The following SWT1 variants were observed in gnomAD, a reference collection of about 807,000 sequenced individuals.
SWT1 encodes the protein SWT1 RNA endoribonuclease homolog, also known as transcriptional protein SWT1.
A neutral mutation model predicts 107.3 loss-of-function variants in SWT1; 33 were observed. The ratio of observed to expected loss-of-function variants is 0.31; its 90% CI spans 0.23 to 0.41. The LOEUF is 0.41. Ranked by LOEUF, SWT1 falls within the 10% of genes least tolerant of loss-of-function variation. The pLI, the probability that SWT1 is intolerant of heterozygous loss-of-function variation, is 1.00. For missense variants in SWT1, 898 were observed against 1,028.9 expected, an observed-to-expected ratio of 0.87 and a Z score of 1.74; for synonymous variants, 345 against 348.3, an observed-to-expected ratio of 0.99 and a Z score of 0.11.
At chr1:185,216,436 G>A (rs1659220449) in intron 14 of SWT1, among the ~76,000 whole-genome samples, 1 of 152,076 alleles carries the variant, frequency 6.6e-6, no homozygotes, top group Non-Finnish European at 1.5e-5. Flanking sequence ...GATGGAAAGT[G>A]CAAGATACTT....
At chr1:185,233,866 C>G (rs983001773) in intron 16 of SWT1, among the ~76,000 whole-genome samples, 16 of 152,140 alleles carry the variant, frequency 1.1e-4, no homozygotes, top group Admixed American at 3.9e-4. Context: ...GCCTCAGCCT[C>G]CCAAGTAGCT....
intron 17 of SWT1, 110 bp downstream of exon 17, chr1:185,271,499 T>A (rs986733481): frequency 1.6e-6 from 1 of 617,462 alleles, no homozygotes; most frequent in Non-Finnish European, 2.9e-6. Context: ...TTAATTGATA[T>A]TTGCTTTAAA....
intron 16 of SWT1, among the ~76,000 whole-genome samples, chr1:185,260,453 G>A (rs990494541): frequency 6.6e-6 from 1 of 152,102 alleles, no homozygotes; most frequent in African/African-American, 2.4e-5. Flanking sequence ...CAAATGTCAA[G>A]GAAGGAATAA....
chr1:185,256,488 T>A (rs1177554157), intron 16 of SWT1, among the ~76,000 whole-genome samples: 1 of 151,490 alleles, frequency 6.6e-6, no homozygotes, highest in Admixed American at 6.6e-5. Context: ...TTCTTTTTAT[T>A]CTTTTTTCTC....
At chr1:185,229,248 A>G (rs539927875) in intron 15 of SWT1, among the ~76,000 whole-genome samples, 1 of 152,284 alleles carries the variant, frequency 6.6e-6, no homozygotes, top group East Asian at 1.9e-4. Context: ...GAGAGATGAT[A>G]AGAATTGGTC....
At chr1:185,274,046 C>T (rs150013424) in intron 17 of SWT1, among the ~76,000 whole-genome samples, 98 of 151,994 alleles carry the variant, frequency 6.4e-4, no homozygotes, top group Middle Eastern at 3.4e-3. Context: ...AAATCACATA[C>T]CCTGGAAAAT....
At chr1:185,267,521 A>G (rs539013685) in intron 16 of SWT1, among the ~76,000 whole-genome samples, 8 of 152,220 alleles carry the variant, frequency 5.3e-5, no homozygotes, top group Non-Finnish European at 1.2e-4. Context: ...TCCTGCTTCA[A>G]CATCTGTTCC....
intron 14 of SWT1, among the ~76,000 whole-genome samples, chr1:185,221,255 A>G (rs1054830160): frequency 6.6e-6 from 1 of 151,956 alleles, no homozygotes; most frequent in Non-Finnish European, 1.5e-5. Context: ...CTGCCTTTTT[A>G]TAGCTAATCC....
intron 9 of SWT1, among the ~76,000 whole-genome samples, chr1:185,187,488 C>A (rs1386621460): frequency 6.6e-6 from 1 of 151,578 alleles, no homozygotes; most frequent in African/African-American, 2.4e-5. Context: ...ATTTGTTTGC[C>A]AAGTATTTGT....
At chr1:185,225,094 T>C (rs984762440) in intron 15 of SWT1, among the ~76,000 whole-genome samples, 1 of 152,284 alleles carries the variant, frequency 6.6e-6, no homozygotes, top group African/African-American at 2.4e-5. Flanking sequence ...ATGCTCCTTC[T>C]GTATCTAATT....
At chr1:185,204,422 C>T (rs1406929498) in intron 11 of SWT1, among the ~76,000 whole-genome samples, 1 of 151,938 alleles carries the variant, frequency 6.6e-6, no homozygotes, top group East Asian at 1.9e-4. Flanking sequence ...GTTGAAATAT[C>T]GCATACATTT....
intron 4 of SWT1, 40 bp from the exon 5 acceptor site, chr1:185,174,332 A>G (rs1558011798): frequency 4.1e-6 from 6 of 1,457,890 alleles, no homozygotes; most frequent in Non-Finnish European, 4.6e-6. Context: ...AACATTATGT[A>G]TAATTATAAT....
chr1:185,169,992 G>C (rs1488595463), intron 4 of SWT1, among the ~76,000 whole-genome samples: 2 of 152,112 alleles, frequency 1.3e-5, no homozygotes, highest in Non-Finnish European at 2.9e-5. Flanking sequence ...AAGCAATTCT[G>C]CTTCAAAGAA....
intron 3 of SWT1, 27 bp downstream of exon 3, chr1:185,166,679 A>T: frequency 1.5e-6 from 2 of 1,375,170 alleles, no homozygotes; most frequent in Non-Finnish European, 2.0e-6. Context: ...AACTAACTAA[A>T]AGTTATTTAT....
At position 185,173,638 on chromosome 1, in the gene SWT1, T is replaced by C. The variant is rs141575848; in HGVS notation, c.225-734T>C. Among the ~76,000 whole-genome samples the C allele has an allele frequency of 4.0e-3, 602 of 151,438 alleles. 5 individuals are homozygous for C. Among genetic ancestry groups the C allele is most frequent in the African/African-American group, 0.014 (559 of 41,236 alleles). On this transcript the variant is annotated intron_variant, in intron 4 of 18. Coordinates refer to ENST00000367500, the MANE Select transcript of SWT1 (RefSeq NM_017673.7). ...GCAGGAGGATCTCTTGAGCCTGATA[T>C]GTTGAGTTTGGAGTGAGCCAAGATC... is the stretch of plus-strand genomic sequence containing the variant.
At chr1:185,255,735 A>G (rs1264943272) in intron 16 of SWT1, among the ~76,000 whole-genome samples, 28 of 146,662 alleles carry the variant, frequency 1.9e-4, no homozygotes, top group African/African-American at 3.8e-4. Flanking sequence ...TCTTTATCCA[A>G]TTTGCCAGTC....
At chr1:185,251,910 C>G (rs1338725703) in intron 16 of SWT1, among the ~76,000 whole-genome samples, 1 of 151,890 alleles carries the variant, frequency 6.6e-6, no homozygotes, top group Non-Finnish European at 1.5e-5. Flanking sequence ...CGTCATCTAG[C>G]ATTAGGTATA....
chr1:185,237,373 A>G (rs968274841), intron 16 of SWT1, among the ~76,000 whole-genome samples: 1 of 152,186 alleles, frequency 6.6e-6, no homozygotes, highest in African/African-American at 2.4e-5. Context: ...ATACAGCCAT[A>G]AAAAAGGATG....
At chr1:185,180,364 T>C in intron 5 of SWT1, 27 bp from the exon 6 acceptor site, 1 of 1,585,910 alleles carries the variant, frequency 6.3e-7, no homozygotes, top group Non-Finnish European at 8.7e-7. Context: ...GCTTTATTCT[T>C]AGCTAATGAA....
Sources: allele counts gnomAD v4.1 joint callset (sites outside exome capture counted in the v4.1 genomes callset), GRCh38; gene constraint gnomAD v4.1.1; transcripts MANE v1.5; gene names NCBI Gene and HGNC (gene_info 2026-07-23, HGNC 2026-07-21).